Variants in MEI4 observed in about 807,000 individuals in gnomAD.
MEI4 encodes meiosis-specific protein MEI4.
Under a neutral mutation model 31.4 loss-of-function variants are expected in MEI4, and 27 were observed. That is an observed-to-expected ratio of 0.86 (90% CI 0.63 to 1.19). MEI4 has a LOEUF of 1.19. Among genes scored for constraint, MEI4 ranks in the 50% most tolerant of loss-of-function variants. MEI4 has a pLI of 0.00. For synonymous variants in MEI4, 122 were observed against 145.4 expected (o/e 0.84, Z 1.16); for missense variants, 329 against 398.9 (o/e 0.82, Z 1.49).
At chr6:77,700,155 C>T (rs1766181256) in intron 2 of MEI4, among the ~76,000 whole-genome samples, 1 of 152,212 alleles carries the variant, frequency 6.6e-6, no homozygotes, top group Non-Finnish European at 1.5e-5. Context: ...GCAGAGGCTA[C>T]TGCTGTCTTT....
At chr6:77,848,125 T>C (rs945817113) in intron 4 of MEI4, among the ~76,000 whole-genome samples, 18 of 152,166 alleles carry the variant, frequency 1.2e-4, no homozygotes, top group South Asian at 2.1e-4. Context: ...TATTGAAGAA[T>C]AGAAAGCAAC....
chr6:77,896,574 G>A (rs767848867), intron 4 of MEI4, among the ~76,000 whole-genome samples: 1 of 152,016 alleles, frequency 6.6e-6, no homozygotes, highest in Non-Finnish European at 1.5e-5. Flanking sequence ...TAGGGAATTG[G>A]TTGATTGGAC....
At chr6:77,669,512 C>G (rs1161237333) in intron 1 of MEI4, among the ~76,000 whole-genome samples, 3 of 152,026 alleles carry the variant, frequency 2.0e-5, no homozygotes, top group African/African-American at 7.2e-5. Context: ...TTTATTATTA[C>G]TGTTATTATT....
At chr6:77,751,198 A>G (rs887826223) in intron 2 of MEI4, among the ~76,000 whole-genome samples, 8 of 152,188 alleles carry the variant, frequency 5.3e-5, no homozygotes, top group Non-Finnish European at 1.0e-4. Context: ...TAACATCACA[A>G]TTAAAAGAAC....
chr6:77,754,775 T>C (rs1197104912), intron 2 of MEI4, among the ~76,000 whole-genome samples: 1 of 152,062 alleles, frequency 6.6e-6, no homozygotes, highest in Non-Finnish European at 1.5e-5. Context: ...AGCAGGCACT[T>C]CTTACATGCG....
intron 3 of MEI4, among the ~76,000 whole-genome samples, chr6:77,821,066 T>C (rs1182226956): frequency 6.6e-6 from 1 of 152,144 alleles, no homozygotes; most frequent in African/African-American, 2.4e-5. Context: ...TTTATTGCCT[T>C]TCTCTTTACT....
At chr6:77,742,523 C>A (rs1425280504) in intron 2 of MEI4, among the ~76,000 whole-genome samples, 1 of 152,006 alleles carries the variant, frequency 6.6e-6, no homozygotes, top group Non-Finnish European at 1.5e-5. Flanking sequence ...GATATTAGCC[C>A]CTTGGTGAGA....
rs900797825 is a variant in MEI4, at chr6:77,761,001, C to T, written c.233-129C>T. 23 of 616,128 alleles carry T rather than the reference C, an allele frequency of 3.7e-5. No individual in the cohort carries two copies. The African/African-American group carries it at 4.0e-4, about 11-fold the overall frequency. 38.2% of individuals were successfully genotyped at this position (616,128 alleles called of 1,614,324 possible). ...TTTTCTTTACTCAGTTTTTACACTA[C>T]TGCTTGTTAAATGCTTAATGTGTAT... On this transcript the variant is annotated intron_variant, in intron 2 of 4. Coordinates refer to ENST00000684080, the MANE Select transcript of MEI4 (RefSeq NM_001322247.2).
chr6:77,697,078 T>A (rs2127654611), intron 2 of MEI4, among the ~76,000 whole-genome samples: 1 of 152,374 alleles, frequency 6.6e-6, no homozygotes. Context: ...TATTCTCTGA[T>A]GGTAGTTTGT....
intron 4 of MEI4, among the ~76,000 whole-genome samples, chr6:77,852,223 A>T (rs939151795): frequency 1.5e-4 from 23 of 152,164 alleles, no homozygotes; most frequent in Non-Finnish European, 2.9e-4. Context: ...TTAAAAACGA[A>T]CAAAGCAAGC....
chr6:77,794,515 C>T (rs1456902180), intron 3 of MEI4, among the ~76,000 whole-genome samples: 4 of 151,972 alleles, frequency 2.6e-5, no homozygotes, highest in African/African-American at 7.2e-5. Context: ...GTGAGCCGGA[C>T]GGCGCCACTG....
intron 3 of MEI4, among the ~76,000 whole-genome samples, chr6:77,785,268 A>G (rs1429868259): frequency 7.9e-5 from 12 of 152,160 alleles, no homozygotes; most frequent in Non-Finnish European, 1.8e-4. Context: ...TCTTAAATGC[A>G]GCTCTCTGGA....
intron 1 of MEI4, among the ~76,000 whole-genome samples, chr6:77,657,747 G>A (rs1768424371): frequency 1.3e-5 from 2 of 152,080 alleles, no homozygotes; most frequent in Non-Finnish European, 2.9e-5. Flanking sequence ...CTTTAGTCAA[G>A]GAGCTCATGC....
chr6:77,905,809 T>A (rs1766282565), intron 4 of MEI4, among the ~76,000 whole-genome samples: 1 of 151,334 alleles, frequency 6.6e-6, no homozygotes, highest in African/African-American at 2.4e-5. Flanking sequence ...TTTTTTTTTT[T>A]TTAATAATAT....
intron 2 of MEI4, among the ~76,000 whole-genome samples, chr6:77,708,514 T>C (rs1021002441): frequency 6.6e-6 from 1 of 152,148 alleles, no homozygotes; most frequent in Non-Finnish European, 1.5e-5. Flanking sequence ...TGGGAAGAGA[T>C]GATTGTATTA....
intron 2 of MEI4, among the ~76,000 whole-genome samples, chr6:77,736,901 G>T (rs1376419719): frequency 6.6e-6 from 1 of 151,196 alleles, no homozygotes; most frequent in African/African-American, 2.5e-5. Context: ...TTTAAGGATG[G>T]ATAGGATTTA....
At chr6:77,907,073 T>A (rs1280994167) in intron 4 of MEI4, among the ~76,000 whole-genome samples, 1 of 152,046 alleles carries the variant, frequency 6.6e-6, no homozygotes, top group Admixed American at 6.6e-5. Flanking sequence ...GAAAACTTTA[T>A]TTTGAAATAG....
In MEI4 at chr6:77,825,955, C is replaced by T. The variant is rs571878404; in HGVS notation, c.769-2976C>T. Among the ~76,000 whole-genome samples the T allele has an allele frequency of 1.4e-3, 212 of 152,244 alleles. 1 individual carries two copies. Among genetic ancestry groups the T allele is most frequent in the African/African-American group, 4.5e-3 (186 of 41,546 alleles). On this transcript the variant is annotated intron_variant, in intron 3 of 4. Transcript: ENST00000684080. ...TGCAGTTTATTCATCCATCCTGAAA[C>T]TCATGTGGGAGAAAGAGCATCATAT...
intron 2 of MEI4, among the ~76,000 whole-genome samples, chr6:77,738,747 A>G (rs1767319466): frequency 6.6e-6 from 1 of 152,182 alleles, no homozygotes; most frequent in Non-Finnish European, 1.5e-5. Context: ...CATCCTCTCC[A>G]GCATCTGTTG....
Sources: gnomAD v4.1 joint callset for allele counts (sites outside exome capture counted in the v4.1 genomes callset) on GRCh38, gnomAD v4.1.1 for gene constraint, MANE v1.5 for transcripts, NCBI Gene and HGNC (gene_info 2026-07-23, HGNC 2026-07-21) for gene names.